Variants in PHF21B observed in about 807,000 individuals in gnomAD.
The protein encoded by PHF21B is PHD finger protein 4.
In PHF21B, 22 loss-of-function variants were observed where a neutral mutation model predicts 62.2. The observed-to-expected ratio is 0.35, with a 90% confidence interval of 0.25 to 0.51. PHF21B has a LOEUF of 0.51. Ranked by LOEUF, PHF21B falls within the 20% of genes least tolerant of loss-of-function variation. The probability of loss-of-function intolerance (pLI) is 0.97; values close to 1 mark genes in which losing one functional copy is unlikely to be tolerated. For synonymous variants in PHF21B, 341 were observed against 314.7 expected (o/e 1.08, Z -0.88); for missense variants, 701 against 707.9 (o/e 0.99, Z 0.11).
intron 2 of PHF21B, among the ~76,000 whole-genome samples, chr22:44,926,005 G>A (rs1024761171): frequency 7.5e-5 from 5 of 66,486 alleles, no homozygotes; most frequent in South Asian, 3.9e-4. Context: ...AACTGGGGCC[G>A]CAGGCCGAGA....
intron 2 of PHF21B, among the ~76,000 whole-genome samples, chr22:44,995,897 G>A (rs1396266398): frequency 6.6e-6 from 1 of 151,560 alleles, no homozygotes; most frequent in East Asian, 1.9e-4. Context: ...AGACGATGCA[G>A]AGGAAGGAGC....
intron 2 of PHF21B, among the ~76,000 whole-genome samples, chr22:44,959,606 G>C (rs2072376609): frequency 6.6e-6 from 1 of 152,212 alleles, no homozygotes; most frequent in Non-Finnish European, 1.5e-5. Context: ...GGGGAAGACT[G>C]GCAGGTCATT....
intron 2 of PHF21B, chr22:45,003,445 A>G (rs897368918): frequency 6.6e-6 from 1 of 152,352 alleles, no homozygotes; most frequent in Non-Finnish European, 1.5e-5. Context: ...AGATCTACAC[A>G]AGCAAGGCTA....
At chr22:44,893,613 A>T (rs1485572065) in intron 6 of PHF21B, 80 bp from the exon 7 acceptor site, 1 of 1,343,672 alleles carries the variant, frequency 7.4e-7, no homozygotes, top group East Asian at 2.5e-5. Context: ...AGCCCTGGGC[A>T]CCACCATCCC....
intron 2 of PHF21B, among the ~76,000 whole-genome samples, chr22:44,927,605 C>T (rs539906642): frequency 1.3e-5 from 2 of 152,192 alleles, no homozygotes; most frequent in Non-Finnish European, 2.9e-5. Context: ...GTCCATTCTC[C>T]GCCAATGCTA....
At chr22:44,982,376 T>A (rs1424089700) in intron 2 of PHF21B, among the ~76,000 whole-genome samples, 3 of 152,182 alleles carry the variant, frequency 2.0e-5, no homozygotes, top group African/African-American at 7.2e-5. Context: ...ACCCTTGCCA[T>A]CACCTACGTG....
At chr22:44,945,031 A>AGGTGCTTGC (rs2147374148) in intron 2 of PHF21B, among the ~76,000 whole-genome samples, 1 of 126,430 alleles carries the variant, frequency 7.9e-6, no homozygotes, top group South Asian at 2.3e-4. Context: ...TGCACCTCAA[A>AGGTGCTTGC]GGTGCTTGCG....
chr22:44,891,219 G>A, intron 8 of PHF21B, 87 bp downstream of exon 8: 1 of 1,485,470 alleles, frequency 6.7e-7, no homozygotes, highest in South Asian at 1.2e-5. Context: ...GGGCAGCCCT[G>A]CCCAGGCCCA....
intron 2 of PHF21B, among the ~76,000 whole-genome samples, chr22:44,977,630 G>A (rs549862541): frequency 6.6e-6 from 1 of 152,000 alleles, no homozygotes; most frequent in African/African-American, 2.4e-5. Flanking sequence ...CCAGGCTGGA[G>A]TGCAGTGGCA....
At chr22:44,977,198 G>A (rs2072752933) in intron 2 of PHF21B, among the ~76,000 whole-genome samples, 1 of 152,000 alleles carries the variant, frequency 6.6e-6, no homozygotes, top group Non-Finnish European at 1.5e-5. Context: ...CTCGCTACAG[G>A]TAACTACTAC....
intron 2 of PHF21B, chr22:44,933,450 G>T: frequency 1.0e-6 from 1 of 985,388 alleles, no homozygotes; most frequent in Non-Finnish European, 1.2e-6. Flanking sequence ...ACTAAACTCA[G>T]CAAGTGTTCA....
At chr22:44,973,430 TAA>T (rs755921428) in intron 2 of PHF21B, among the ~76,000 whole-genome samples, 18 of 152,052 alleles carry the variant, frequency 1.2e-4, no homozygotes, top group South Asian at 4.1e-4. Context: ...ACCCTAAAAC[TAA>T]AGAGACAGGC....
At chr22:44,956,751 T>A (rs1159210667) in intron 2 of PHF21B, among the ~76,000 whole-genome samples, 2 of 152,114 alleles carry the variant, frequency 1.3e-5, no homozygotes, top group African/African-American at 4.8e-5. Flanking sequence ...CCCAAGGCAG[T>A]GCTTTCTGTT....
At chr22:45,001,494 C>T (rs2073217488) in intron 2 of PHF21B, among the ~76,000 whole-genome samples, 1 of 152,198 alleles carries the variant, frequency 6.6e-6, no homozygotes, top group African/African-American at 2.4e-5. Context: ...CCAGACATCT[C>T]ACACAAATAC....
chr22:44,960,585 T>C (rs1179334409), intron 2 of PHF21B, among the ~76,000 whole-genome samples: 1 of 152,198 alleles, frequency 6.6e-6, no homozygotes, highest in Non-Finnish European at 1.5e-5. Flanking sequence ...GACTGGACCA[T>C]GGGGTACACA....
At chr22:45,000,191 CAA>C (rs1569284600) in intron 2 of PHF21B, among the ~76,000 whole-genome samples, 1 of 152,120 alleles carries the variant, frequency 6.6e-6, no homozygotes, top group East Asian at 1.9e-4. Flanking sequence ...CTCTCGGAGA[CAA>C]AGTTAAAAGC....
At chr22:44,963,907 C>A (rs1844215749) in intron 2 of PHF21B, among the ~76,000 whole-genome samples, 1 of 152,250 alleles carries the variant, frequency 6.6e-6, no homozygotes, top group African/African-American at 2.4e-5. Flanking sequence ...TGACTCAAAT[C>A]ATTGACTTCC....
intron 5 of PHF21B, among the ~76,000 whole-genome samples, chr22:44,911,633 G>A (rs1026734375): frequency 6.6e-6 from 1 of 152,208 alleles, no homozygotes; most frequent in Non-Finnish European, 1.5e-5. Context: ...TTGAGGTTTT[G>A]GAACCTCTGC....
At chr22:44,895,327 T>C (rs1398324436) in intron 6 of PHF21B, among the ~76,000 whole-genome samples, 1 of 152,226 alleles carries the variant, frequency 6.6e-6, no homozygotes, top group Admixed American at 6.5e-5. Context: ...TCACGTGAGA[T>C]TGCCCTCATC....
Sources: allele counts gnomAD v4.1 joint callset (sites outside exome capture counted in the v4.1 genomes callset), GRCh38; gene constraint gnomAD v4.1.1; transcripts MANE v1.5; gene names NCBI Gene and HGNC (gene_info 2026-07-23, HGNC 2026-07-21).